RASA1: variants seen among roughly 807,000 people sequenced by gnomAD.
The protein encoded by RASA1 is RAS p21 protein activator 1.
A neutral mutation model predicts 132.2 loss-of-function variants in RASA1; 25 were observed. The ratio of observed to expected loss-of-function variants is 0.19; its 90% CI spans 0.14 to 0.26. The LOEUF (loss-of-function observed/expected upper bound fraction) is 0.26. RASA1 is among the 10% of genes least tolerant of loss of function. The probability of loss-of-function intolerance (pLI) is 1.00; values close to 1 mark genes in which losing one functional copy is unlikely to be tolerated. For synonymous variants in RASA1, 477 were observed against 449.9 expected (o/e 1.06, Z -0.76); for missense variants, 964 against 1,299.2 (o/e 0.74, Z 3.97).
At chr5:87,280,047 T>C (rs577558458) in intron 1 of RASA1, among the ~76,000 whole-genome samples, 4 of 152,322 alleles carry the variant, frequency 2.6e-5, no homozygotes, top group Non-Finnish European at 5.9e-5. Context: ...AAAATATCCC[T>C]CACTAGAAGG....
intron 1 of RASA1, among the ~76,000 whole-genome samples, chr5:87,324,136 T>C (rs1277939050): frequency 6.6e-6 from 1 of 152,194 alleles, no homozygotes; most frequent in Middle Eastern, 3.2e-3. Flanking sequence ...CTGAATGGTA[T>C]GATACTATAA....
chr5:87,379,648 T>A, intron 18 of RASA1, 87 bp from the exon 19 acceptor site: 1 of 1,525,722 alleles, frequency 6.6e-7, no homozygotes, highest in Admixed American at 2.0e-5. Context: ...ATAGACAACC[T>A]CGAAAACTAT....
chr5:87,348,114 G>A lies in RASA1; in HGVS notation c.1103-1100G>A, dbSNP rs544755288. 2.0e-5 allele frequency among the ~76,000 whole-genome samples: 3 copies of A among 152,020 alleles called. No individual in the cohort carries two copies. In the South Asian group the frequency reaches 6.2e-4, roughly 31 times the overall value. The stretch of plus-strand genomic sequence containing the variant: ...TGGATTCTTGTCAGTAAGATTTGTT[G>A]TATCAACTTAGAAACACTTTCATTT... On this transcript the variant is annotated intron_variant, in intron 7 of 24. Coordinates refer to ENST00000274376, the MANE Select transcript of RASA1 (RefSeq NM_002890.3).
intron 20 of RASA1, among the ~76,000 whole-genome samples, chr5:87,383,472 A>G (rs1316249907): frequency 6.6e-6 from 1 of 152,142 alleles, no homozygotes; most frequent in Non-Finnish European, 1.5e-5. Context: ...GTTAATCCAC[A>G]TTCTAAATTG....
chr5:87,287,693 A>G (rs577867013), intron 1 of RASA1, among the ~76,000 whole-genome samples: 1 of 144,374 alleles, frequency 6.9e-6, no homozygotes, highest in South Asian at 2.2e-4. Context: ...CGCCATAGAT[A>G]TATACCATAT....
Position 87,385,303 on chromosome 5 carries a change from T to G in RASA1, c.2761T>G (p.Ser921Ala), listed in dbSNP as rs775945854. 1.9e-6 allele frequency: 3 copies of G among 1,601,630 alleles called. No individual in the cohort carries two copies. The Admixed American group carries it at 5.0e-5, about 27-fold the overall frequency. Reference protein sequence around the residue: ...NPRMFNIISDSPSPIAARTLI... With the variant: ...NPRMFNIISDAPSPIAARTLI... ...AGCTGTGCCCAATTCTGTTACAGAT[T>G]CTCCATCTCCTATTGCTGCAAGAAC... Residue 921 changes from serine to alanine, a missense_variant and splice_region_variant, in exon 22 of 25, where the codon TCT becomes GCT. By Grantham distance (99) the Ser-to-Ala change is moderately conservative. Around this residue, in one of 6 missense-constraint regions of RASA1, gnomAD observed 107 missense variants for 163.8 expected, o/e 0.65. Transcript: ENST00000274376.
chr5:87,369,190 A>G (rs1442687805), intron 11 of RASA1, among the ~76,000 whole-genome samples: 1 of 152,188 alleles, frequency 6.6e-6, no homozygotes, highest in Non-Finnish European at 1.5e-5. Context: ...TTTCAAGTCT[A>G]GTTGGAAAGA....
chr5:87,272,283 A>T (rs1260755909), intron 1 of RASA1, among the ~76,000 whole-genome samples: 1 of 152,182 alleles, frequency 6.6e-6, no homozygotes. Flanking sequence ...TTCATGTTCT[A>T]AAAAATACCC....
chr5:87,380,223 GTTAAC>G (rs758504363), intron 19 of RASA1, among the ~76,000 whole-genome samples: 1 of 152,136 alleles, frequency 6.6e-6, no homozygotes, highest in African/African-American at 2.4e-5. Flanking sequence ...TCAGGTAGAA[GTTAAC>G]TTAAGTCTAA....
At chr5:87,318,058 T>C (rs1209886250) in intron 1 of RASA1, among the ~76,000 whole-genome samples, 2 of 152,144 alleles carry the variant, frequency 1.3e-5, no homozygotes, top group Non-Finnish European at 2.9e-5. Context: ...TTTAGAGTAA[T>C]GGTACTACCA....
Position 87,280,052 on chromosome 5 carries a change from A to G in RASA1, c.539+11062A>G, listed in dbSNP as rs558478073. Among the ~76,000 whole-genome samples the G allele has an allele frequency of 3.6e-4, 55 of 152,336 alleles. No individual in the cohort carries two copies. The South Asian group carries it at 7.7e-3, about 21-fold the overall frequency. ...GGGCAAAAGCAAAATATCCCTCACT[A>G]GAAGGGGATGGGGAACTCAGCACGC... On this transcript the variant is annotated intron_variant, in intron 1 of 24. Coordinates refer to ENST00000274376, the MANE Select transcript of RASA1 (RefSeq NM_002890.3).
intron 22 of RASA1, 43 bp from the exon 23 acceptor site, chr5:87,386,783 G>A: frequency 1.3e-6 from 2 of 1,529,590 alleles, no homozygotes; most frequent in Middle Eastern, 3.5e-4. Flanking sequence ...ATCAAACAGT[G>A]GTTTGTTTCT....
intron 1 of RASA1, among the ~76,000 whole-genome samples, chr5:87,313,422 G>A (rs1480737874): frequency 6.6e-6 from 1 of 152,168 alleles, no homozygotes; most frequent in East Asian, 1.9e-4. Flanking sequence ...TAGCTTGAAT[G>A]GGAGAGTGAA....
intron 8 of RASA1, among the ~76,000 whole-genome samples, chr5:87,351,241 T>G (rs1759249449): frequency 6.6e-6 from 1 of 151,644 alleles, no homozygotes; most frequent in Admixed American, 6.6e-5. Context: ...ATTTATCGAC[T>G]TATCTACTTT....
rs1163138913 is a variant in RASA1, at chr5:87,341,275, A to C, written c.1018-15A>C. 3.0e-6 allele frequency: 4 copies of C among 1,322,438 alleles called. No homozygotes were observed. Among genetic ancestry groups the C allele is most frequent in the South Asian group, 2.3e-5 (1 of 43,964 alleles). The allele number at this position is 1,322,438 out of a possible 1,614,324, so 81.9% of individuals were successfully genotyped here. On this transcript the variant is annotated splice_polypyrimidine_tract_variant and intron_variant, in intron 5 of 24. Transcript: ENST00000274376. ...GTTAATTATATAAAATACTGTCTTA[A>C]TGTCTTCCCTTTAGGGCCGGGAAGA...
At chr5:87,370,836 C>T (rs1327760453) in intron 12 of RASA1, among the ~76,000 whole-genome samples, 5 of 152,066 alleles carry the variant, frequency 3.3e-5, no homozygotes, top group Non-Finnish European at 7.4e-5. Flanking sequence ...GAGGAAGATG[C>T]TCTTAAAACT....
chr5:87,362,083 G>C (rs1195156183), intron 9 of RASA1, among the ~76,000 whole-genome samples: 1 of 152,086 alleles, frequency 6.6e-6, no homozygotes, highest in Non-Finnish European at 1.5e-5. Context: ...TGTATGTTTT[G>C]TTCATTCTCA....
intron 15 of RASA1, 180 bp from the exon 16 acceptor site, chr5:87,376,213 A>G (rs537047054): frequency 2.9e-6 from 2 of 686,850 alleles, no homozygotes; most frequent in South Asian, 3.7e-5. Context: ...ATCAGAGTTT[A>G]GTGCACCGTA....
intron 11 of RASA1, among the ~76,000 whole-genome samples, chr5:87,365,019 T>G (rs556207971): frequency 6.6e-6 from 1 of 152,160 alleles, no homozygotes; most frequent in East Asian, 1.9e-4. Context: ...TAAATGTAGT[T>G]TATTATCGTG....
Sources: allele counts gnomAD v4.1 joint callset (sites outside exome capture counted in the v4.1 genomes callset), GRCh38; gene constraint gnomAD v4.1.1; regional missense constraint gnomAD v4.1.1; transcripts MANE v1.5; gene names NCBI Gene and HGNC (gene_info 2026-07-23, HGNC 2026-07-21).